The following EHBP1 variants were observed in gnomAD, a reference collection of about 807,000 sequenced individuals.
The protein encoded by EHBP1 is EH domain-binding protein 1.
In EHBP1, 55 loss-of-function variants were observed where a neutral mutation model predicts 144.0. That is an observed-to-expected ratio of 0.38 (90% CI 0.31 to 0.48). EHBP1 has a LOEUF of 0.48. Ranked by LOEUF, EHBP1 falls within the 20% of genes least tolerant of loss-of-function variation. The probability of loss-of-function intolerance (pLI) is 0.98; values close to 1 mark genes in which losing one functional copy is unlikely to be tolerated. For missense variants in EHBP1, 1,200 were observed against 1,364.2 expected (o/e 0.88, Z 1.90); for synonymous variants, 469 against 472.7 (o/e 0.99, Z 0.10).
chr2:62,951,411 C>T (rs901495634), intron 13 of EHBP1, among the ~76,000 whole-genome samples: 1 of 151,756 alleles, frequency 6.6e-6, no homozygotes, highest in African/African-American at 2.4e-5. Context: ...TCTCTGAAAG[C>T]TTTCAGGACA....
intron 14 of EHBP1, among the ~76,000 whole-genome samples, chr2:62,962,891 T>G (rs2058067309): frequency 6.6e-6 from 1 of 152,182 alleles, no homozygotes; most frequent in Non-Finnish European, 1.5e-5. Context: ...AAAACAGACT[T>G]GAAGTTTTTC....
chr2:62,802,416 A>G (rs2044070487), intron 5 of EHBP1, among the ~76,000 whole-genome samples: 1 of 152,216 alleles, frequency 6.6e-6, no homozygotes, highest in African/African-American at 2.4e-5. Flanking sequence ...AAATGCCAGT[A>G]GAGCTATTGC....
intron 19 of EHBP1, among the ~76,000 whole-genome samples, chr2:63,030,673 A>G (rs1044917874): frequency 6.8e-6 from 1 of 147,274 alleles, no homozygotes. Context: ...TTGTATTTTT[A>G]GTAGAGACGG....
intron 10 of EHBP1, among the ~76,000 whole-genome samples, chr2:62,913,924 C>T (rs1000840256): frequency 2.6e-5 from 4 of 152,050 alleles, no homozygotes; most frequent in Admixed American, 2.6e-4. Flanking sequence ...AATCAAATTG[C>T]TCATGATAAT....
At chr2:62,911,654 G>T (rs1216647536) in intron 10 of EHBP1, among the ~76,000 whole-genome samples, 1 of 152,062 alleles carries the variant, frequency 6.6e-6, no homozygotes, top group Non-Finnish European at 1.5e-5. Context: ...TAGAGACAGG[G>T]TTTCTTCATG....
At chr2:62,795,032 G>GT (rs1433041283) in intron 5 of EHBP1, among the ~76,000 whole-genome samples, 1 of 151,458 alleles carries the variant, frequency 6.6e-6, no homozygotes, top group Non-Finnish European at 1.5e-5. Flanking sequence ...TAACTAATGT[G>GT]TGTATACACA....
chr2:62,914,582 T>C (rs759892911), intron 10 of EHBP1, among the ~76,000 whole-genome samples: 3 of 152,080 alleles, frequency 2.0e-5, no homozygotes, highest in Non-Finnish European at 4.4e-5. Flanking sequence ...TTTGCTGTTA[T>C]AATCTGTATA....
In EHBP1 at chr2:62,874,098, A is replaced by G. The variant is rs570563543; in HGVS notation, c.999-248A>G. 3.3e-5 allele frequency among the ~76,000 whole-genome samples: 5 copies of G among 152,308 alleles called. No individual in the cohort carries two copies. The East Asian group carries it at 5.8e-4, about 18-fold the overall frequency. ...TTAACATTTTTCTAAGCTTCTATATATAATAGTTTGAGCTGAATGTGACCT... is the reference window on the plus strand; with the variant it reads ...TTAACATTTTTCTAAGCTTCTATATGTAATAGTTTGAGCTGAATGTGACCT... On this transcript the variant is annotated intron_variant, in intron 9 of 22. Transcript: ENST00000431489.
At chr2:63,042,068 A>G (rs1468682769) in intron 21 of EHBP1, among the ~76,000 whole-genome samples, 1 of 152,164 alleles carries the variant, frequency 6.6e-6, no homozygotes, top group African/African-American at 2.4e-5. Flanking sequence ...TTTGGCTCAA[A>G]TGCAGCATCA....
chr2:62,740,800 GCTAT>G (rs1282911607), intron 2 of EHBP1, among the ~76,000 whole-genome samples: 2 of 152,120 alleles, frequency 1.3e-5, no homozygotes, highest in African/African-American at 4.8e-5. Context: ...TTGAGGTACA[GCTAT>G]CTTTTATTTT....
intron 5 of EHBP1, among the ~76,000 whole-genome samples, chr2:62,805,097 A>G (rs573228070): frequency 8.6e-4 from 131 of 152,230 alleles, no homozygotes; most frequent in Non-Finnish European, 1.6e-3. Flanking sequence ...GGATCCATTT[A>G]TTTGACCAAC....
chr2:62,783,468 A>C (rs533342035), intron 5 of EHBP1, among the ~76,000 whole-genome samples: 3 of 152,212 alleles, frequency 2.0e-5, no homozygotes, highest in East Asian at 1.9e-4. Context: ...GCAAACTTCT[A>C]TCTGGACATC....
chr2:62,713,668 G>A (rs1302739700), intron 2 of EHBP1, among the ~76,000 whole-genome samples: 1 of 152,198 alleles, frequency 6.6e-6, no homozygotes, highest in Non-Finnish European at 1.5e-5. Context: ...AGAGAGGTTA[G>A]TTTGCAGTAC....
intron 14 of EHBP1, among the ~76,000 whole-genome samples, chr2:62,962,294 C>T (rs375792670): frequency 2.0e-4 from 30 of 152,234 alleles, no homozygotes; most frequent in East Asian, 1.5e-3. Context: ...CCACTGCACT[C>T]TACCCTGGGC....
At chr2:62,749,214 T>C (rs2152183493) in intron 3 of EHBP1, among the ~76,000 whole-genome samples, 1 of 151,858 alleles carries the variant, frequency 6.6e-6, no homozygotes, top group South Asian at 2.1e-4. Flanking sequence ...CAATTCCCAC[T>C]TATGAGTGAG....
At chr2:62,906,104 T>C (rs752687023) in intron 10 of EHBP1, among the ~76,000 whole-genome samples, 3 of 152,086 alleles carry the variant, frequency 2.0e-5, no homozygotes, top group Non-Finnish European at 4.4e-5. Context: ...TGTGACCCAC[T>C]TGGAGTTAAA....
At chr2:62,772,799 A>G (rs894062427) in intron 5 of EHBP1, among the ~76,000 whole-genome samples, 1 of 152,228 alleles carries the variant, frequency 6.6e-6, no homozygotes, top group Non-Finnish European at 1.5e-5. Context: ...GCTTTGTGTA[A>G]TATTCTTCCT....
At chr2:62,734,333 A>G (rs1248511487) in intron 2 of EHBP1, among the ~76,000 whole-genome samples, 1 of 151,090 alleles carries the variant, frequency 6.6e-6, no homozygotes, top group Non-Finnish European at 1.5e-5. Flanking sequence ...TTTAAAAAAA[A>G]CATTTTAACA....
At chr2:62,868,536 T>C (rs1206362128) in intron 9 of EHBP1, among the ~76,000 whole-genome samples, 3 of 152,204 alleles carry the variant, frequency 2.0e-5, no homozygotes, top group African/African-American at 7.2e-5. Flanking sequence ...GTTTTTCTCT[T>C]TATAAAACTC....
Sources: gnomAD v4.1 joint callset for allele counts (sites outside exome capture counted in the v4.1 genomes callset) on GRCh38, gnomAD v4.1.1 for gene constraint, MANE v1.5 for transcripts, NCBI Gene and HGNC (gene_info 2026-07-23, HGNC 2026-07-21) for gene names.